The following CCDC73 variants were observed in gnomAD, a reference collection of about 807,000 sequenced individuals.
CCDC73 encodes coiled-coil domain containing 73, also known as coiled-coil domain-containing protein 73.
CCDC73 carries 95 observed loss-of-function variants against 116.5 expected under a neutral mutation model. That is an observed-to-expected ratio of 0.82 (90% CI 0.69 to 0.97). CCDC73 has a LOEUF of 0.97. Among genes scored for constraint, CCDC73 ranks in the 50% least tolerant of loss-of-function variants. The pLI is 0.00. For missense variants in CCDC73, 1,066 were observed against 1,206.8 expected, an observed-to-expected ratio of 0.88 and a Z score of 1.73; for synonymous variants, 398 against 401.3, an observed-to-expected ratio of 0.99 and a Z score of 0.10.
At chr11:32,655,090 C>CAAGATATTA in intron 9 of CCDC73, 118 bp from the exon 10 acceptor site, 1 of 701,718 alleles carries the variant, frequency 1.4e-6, no homozygotes, top group Non-Finnish European at 2.2e-6. Context: ...GTTATAATTC[C>CAAGATATTA]CTTGCAAGTT....
chr11:32,744,923 T>C (rs1023927101), intron 2 of CCDC73, among the ~76,000 whole-genome samples: 1 of 152,208 alleles, frequency 6.6e-6, no homozygotes, highest in Non-Finnish European at 1.5e-5. Flanking sequence ...TCTCTGATCT[T>C]AGTTATTTCT....
At chr11:32,759,327 C>CTT (rs1208029392) in intron 2 of CCDC73, among the ~76,000 whole-genome samples, 152 of 129,930 alleles carry the variant, frequency 1.2e-3, no homozygotes, top group East Asian at 3.0e-3. Context: ...ACATTTTTTC[C>CTT]TTTTTTTTTT....
At chr11:32,629,426 T>G (rs2133236194) in intron 14 of CCDC73, among the ~76,000 whole-genome samples, 1 of 152,142 alleles carries the variant, frequency 6.6e-6, no homozygotes, top group East Asian at 1.9e-4. Context: ...CACTTTTTTT[T>G]TTTTTTGAGG....
intron 4 of CCDC73, among the ~76,000 whole-genome samples, chr11:32,701,138 A>T (rs1849807283): frequency 6.6e-6 from 1 of 152,148 alleles, no homozygotes; most frequent in Non-Finnish European, 1.5e-5. Flanking sequence ...ACTAGAGCAC[A>T]CACCACCACA....
At chr11:32,829,951 G>T in the CCDC73 span, 1 of 985,604 alleles carries the variant, frequency 1.0e-6, no homozygotes, top group Non-Finnish European at 1.2e-6. Context: ...TCCCCGGACC[G>T]AGGCAGGACC....
intron 9 of CCDC73, among the ~76,000 whole-genome samples, chr11:32,674,592 G>C (rs190602190): frequency 4.7e-4 from 71 of 152,250 alleles, no homozygotes; most frequent in Middle Eastern, 6.8e-3. Context: ...TCAAAGAACA[G>C]GTTTCTTTAT....
At chr11:32,813,842 G>A in the CCDC73 span, among the ~76,000 whole-genome samples, 1 of 152,118 alleles carries the variant, frequency 6.6e-6, no homozygotes, top group Admixed American at 6.5e-5. Context: ...ACTCTCCCTC[G>A]ACCATATTCT....
chr11:32,714,777 T>A (rs1378550967), intron 3 of CCDC73, among the ~76,000 whole-genome samples: 2 of 152,132 alleles, frequency 1.3e-5, no homozygotes, highest in East Asian at 1.9e-4. Flanking sequence ...AGTCTGTTTT[T>A]ATATGGCCTG....
At chr11:32,680,682 G>A (rs1017835162) in intron 7 of CCDC73, 1 of 151,936 alleles carries the variant, frequency 6.6e-6, no homozygotes, top group African/African-American at 2.4e-5. Flanking sequence ...ATTTACTTAA[G>A]GAGACTGATT....
At chr11:32,678,378 T>TAAATTATC (rs1468360805) in intron 7 of CCDC73, among the ~76,000 whole-genome samples, 41 of 152,308 alleles carry the variant, frequency 2.7e-4, no homozygotes, top group Admixed American at 1.1e-3. Context: ...CAACTTAGGG[T>TAAATTATC]GACCTTGGGT....
intron 12 of CCDC73, among the ~76,000 whole-genome samples, chr11:32,650,766 G>A (rs184718993): frequency 1.3e-5 from 2 of 152,098 alleles, no homozygotes; most frequent in Non-Finnish European, 2.9e-5. Context: ...ATAAGCCATA[G>A]AACATCAATG....
At chr11:32,688,123 CT>C (rs1024903289) in intron 6 of CCDC73, among the ~76,000 whole-genome samples, 1 of 152,072 alleles carries the variant, frequency 6.6e-6, no homozygotes, top group African/African-American at 2.4e-5. Context: ...ACAAAACACG[CT>C]GATTACAAAG....
At chr11:32,611,354 G>T in intron 16 of CCDC73, 89 bp from the exon 17 acceptor site, 1 of 1,150,500 alleles carries the variant, frequency 8.7e-7, no homozygotes, top group Non-Finnish European at 1.2e-6. Context: ...CTATGCTTTT[G>T]TATTTAAAAA....
At chr11:32,791,732 T>C (rs1245318660) in intron 1 of CCDC73, among the ~76,000 whole-genome samples, 1 of 152,118 alleles carries the variant, frequency 6.6e-6, no homozygotes, top group Non-Finnish European at 1.5e-5. Context: ...GCAGTGCAAT[T>C]GCTCGAGCTC....
At chr11:32,727,576 T>A (rs1273454497) in intron 2 of CCDC73, among the ~76,000 whole-genome samples, 2 of 150,586 alleles carry the variant, frequency 1.3e-5, no homozygotes, top group Non-Finnish European at 3.0e-5. Flanking sequence ...GAAGCAATTT[T>A]TTTTTCTTTT....
intron 2 of CCDC73, among the ~76,000 whole-genome samples, chr11:32,740,661 T>C (rs1031750210): frequency 6.6e-6 from 1 of 152,024 alleles, no homozygotes; most frequent in Non-Finnish European, 1.5e-5. Context: ...GTATTGTTTT[T>C]CTTGTTTCAT....
At position 32,613,689 on chromosome 11, in the gene CCDC73, A is replaced by T; in HGVS notation, c.2629T>A (p.Leu877Ile). ...GTTGACCTTCCGCTTCTGTTTACTA[A>T]ATCTCCAGATGGCTCTATGTGAAAT... ...HSFHIEPSGD[L>I]VNRSGRSTFD... The change falls in exon 16 of 18, where the codon TTA becomes ATA. Residue 877 changes from leucine to isoleucine, a missense_variant. Coordinates refer to ENST00000335185, the MANE Select transcript of CCDC73 (RefSeq NM_001008391.4). 1.2e-6 allele frequency: 2 copies of T among 1,614,080 alleles called. No homozygotes were observed. The highest frequency in any genetic ancestry group is 1.7e-6 in the Non-Finnish European group (2 of 1,180,004).
chr11:32,759,996 T>C, intron 2 of CCDC73, 113 bp downstream of exon 2: 2 of 830,992 alleles, frequency 2.4e-6, no homozygotes, highest in Admixed American at 2.4e-5. Flanking sequence ...TTGGACTATA[T>C]ATTTTATTTC....
intron 6 of CCDC73, among the ~76,000 whole-genome samples, chr11:32,690,313 AT>A (rs1856243400): frequency 6.6e-6 from 1 of 152,168 alleles, no homozygotes; most frequent in African/African-American, 2.4e-5. Context: ...TTTTAAAAGA[AT>A]TTTTTAGAGA....
Sources: gnomAD v4.1 joint callset for allele counts (sites outside exome capture counted in the v4.1 genomes callset) on GRCh38, gnomAD v4.1.1 for gene constraint, MANE v1.5 for transcripts, NCBI Gene and HGNC (gene_info 2026-07-23, HGNC 2026-07-21) for gene names.